SYTL5: variants seen among roughly 807,000 people sequenced by gnomAD.
SYTL5 encodes the protein synaptotagmin-like protein 5.
A neutral mutation model predicts 55.9 loss-of-function variants in SYTL5; 34 were observed. The observed-to-expected ratio is 0.61, with a 90% confidence interval of 0.46 to 0.81. SYTL5 has a LOEUF of 0.81. Ranked by LOEUF, SYTL5 falls within the 30% of genes least tolerant of loss-of-function variation. The probability of loss-of-function intolerance (pLI) is 0.00; values close to 1 mark genes in which losing one functional copy is unlikely to be tolerated. For synonymous variants in SYTL5, 221 were observed against 188.7 expected, an observed-to-expected ratio of 1.17 and a Z score of -1.40; for missense variants, 637 against 546.7, an observed-to-expected ratio of 1.17 and a Z score of -1.65.
chrX:37,951,697 T>C, the SYTL5 span, among the ~76,000 whole-genome samples: 1 of 110,995 alleles, frequency 9.0e-6, no homozygotes, highest in African/African-American at 3.3e-5. Flanking sequence ...GTAGTAAAAA[T>C]TGTAAGGCAG....
the SYTL5 span, among the ~76,000 whole-genome samples, chrX:37,891,736 A>G: frequency 9.0e-6 from 1 of 111,631 alleles, no homozygotes; most frequent in Non-Finnish European, 1.9e-5. Context: ...TTGTGTTTTC[A>G]GGCAAATATC....
At chrX:38,063,533 G>C (rs969792053) in intron 3 of SYTL5, among the ~76,000 whole-genome samples, 7 of 111,551 alleles carry the variant, frequency 6.3e-5, no homozygotes, top group Admixed American at 1.9e-4. Flanking sequence ...TCATTACCCA[G>C]TCTAAGAATT....
chrX:38,013,908 ACTC>A (rs1478883387), intron 1 of SYTL5, among the ~76,000 whole-genome samples: 4 of 107,086 alleles, frequency 3.7e-5, no homozygotes, highest in African/African-American at 1.0e-4. Flanking sequence ...ACCACCACCA[ACTC>A]CTCCTCTCCT....
At chrX:37,934,624 T>G in the SYTL5 span, among the ~76,000 whole-genome samples, 1 of 107,657 alleles carries the variant, frequency 9.3e-6, no homozygotes, top group Non-Finnish European at 1.9e-5. Context: ...GCAGAAATAA[T>G]ATTTCTTTTT....
chrX:37,988,993 A>G, the SYTL5 span, among the ~76,000 whole-genome samples: 2 of 112,008 alleles, frequency 1.8e-5, no homozygotes, highest in Non-Finnish European at 3.8e-5. Context: ...AGCAAAAAGA[A>G]ACCAGAATTC....
At chrX:38,009,200 A>C (rs956246353) in intron 1 of SYTL5, among the ~76,000 whole-genome samples, 9 of 111,704 alleles carry the variant, frequency 8.1e-5, no homozygotes, top group African/African-American at 2.9e-4. Context: ...TTTAGCATTT[A>C]TTTAGCCTAT....
chrX:37,990,535 G>A, the SYTL5 span, among the ~76,000 whole-genome samples: 19 of 112,383 alleles, frequency 1.7e-4, no homozygotes, highest in African/African-American at 6.2e-4. Flanking sequence ...TTCCACTGAA[G>A]CACACATTTA....
chrX:37,932,415 T>C, the SYTL5 span, among the ~76,000 whole-genome samples: 1 of 111,989 alleles, frequency 8.9e-6, no homozygotes, highest in Non-Finnish European at 1.9e-5. Flanking sequence ...AAAAACCCCA[T>C]GATGAGTCAA....
chrX:37,998,123 A>T, the SYTL5 span, among the ~76,000 whole-genome samples: 2 of 112,055 alleles, frequency 1.8e-5, no homozygotes, highest in Non-Finnish European at 3.8e-5. Flanking sequence ...CCTGTGGGAG[A>T]CTAAGCTATT....
chrX:37,890,425 G>C, the SYTL5 span, among the ~76,000 whole-genome samples: 1 of 111,923 alleles, frequency 8.9e-6, no homozygotes, highest in Non-Finnish European at 1.9e-5. Flanking sequence ...AGGTATATAA[G>C]CTCTGAAAAA....
In SYTL5 at chrX:38,125,456, C is replaced by A. The variant is rs762865400; in HGVS notation, c.2000C>A (p.Ala667Asp). Residue 667 changes from alanine to aspartate, a missense_variant, in exon 16 of 17, where the codon GCC (alanine) becomes GAC (aspartate). Coordinates refer to ENST00000297875, the MANE Select transcript of SYTL5 (RefSeq NM_138780.3). ...GAACTTACTATCTGGGACAAGGAGG[C>A]CTTTTCCAGCAACATCTTTCTGGGA... The part of the protein sequence containing the change: ...CLELTIWDKE[A>D]FSSNIFLGGV... The A allele has an allele frequency of 5.0e-6, 6 of 1,211,393 alleles. No individual in the cohort carries two copies. The highest frequency in any genetic ancestry group is 1.8e-5 in the South Asian group (1 of 56,967).
rs55653564 is a variant in SYTL5 at position 38,067,382 on chromosome X, CA to C, written c.330-4651del. ...TCCATCTCACATCCAAAGAACATAT[CA>C]AAAAAAAAAAAAAGATCTAAGGCCT... On this transcript the variant is annotated intron_variant, in intron 3 of 16. Transcript: ENST00000297875. Among the ~76,000 whole-genome samples the C allele has an allele frequency of 5.9e-3, 517 of 88,276 alleles. 1 individual carries two copies. Among genetic ancestry groups the C allele is most frequent in the South Asian group, 0.014 (27 of 1,901 alleles). 76.7% of individuals were successfully genotyped at this position (88,276 alleles called of 115,157 possible).
chrX:37,965,941 G>A, the SYTL5 span, among the ~76,000 whole-genome samples: 1 of 111,868 alleles, frequency 8.9e-6, no homozygotes, highest in African/African-American at 3.2e-5. Flanking sequence ...ATTACCATTT[G>A]CACAGAATAT....
intron 3 of SYTL5, among the ~76,000 whole-genome samples, chrX:38,068,813 C>G (rs1420549601): frequency 9.0e-6 from 1 of 110,818 alleles, no homozygotes; most frequent in African/African-American, 3.3e-5. Flanking sequence ...CTATTGGATA[C>G]TATGTTCAGT....
chrX:37,939,300 C>G, the SYTL5 span, among the ~76,000 whole-genome samples: 1 of 110,976 alleles, frequency 9.0e-6, no homozygotes, highest in Non-Finnish European at 1.9e-5. Context: ...AAAGATAACC[C>G]ATTCCACAAG....
the SYTL5 span, among the ~76,000 whole-genome samples, chrX:37,935,350 G>C: frequency 8.9e-6 from 1 of 112,207 alleles, no homozygotes; most frequent in Non-Finnish European, 1.9e-5. Context: ...AAAAATTAGA[G>C]AGTCTTTCAG....
chrX:37,925,911 G>A, the SYTL5 span, among the ~76,000 whole-genome samples: 4 of 111,562 alleles, frequency 3.6e-5, no homozygotes, highest in Admixed American at 9.5e-5. Flanking sequence ...CAGTTTCATC[G>A]AGTTTTCTGT....
At chrX:38,043,661 G>GTATATATATATATATATATATATA (rs35312093) in intron 2 of SYTL5, among the ~76,000 whole-genome samples, 16 of 50,134 alleles carry the variant, frequency 3.2e-4, no homozygotes, top group South Asian at 1.2e-3. Flanking sequence ...ATGTATGTAT[G>GTATATATATATATATATATATATA]TATATATATA....
the SYTL5 span, among the ~76,000 whole-genome samples, chrX:37,900,930 A>C: frequency 1.8e-5 from 2 of 111,438 alleles, no homozygotes; most frequent in African/African-American, 6.5e-5. Flanking sequence ...CAAAGAAAGT[A>C]ACTTTTCTCT....
Sources: gnomAD v4.1 joint callset for allele counts (sites outside exome capture counted in the v4.1 genomes callset) on GRCh38, gnomAD v4.1.1 for gene constraint, MANE v1.5 for transcripts, NCBI Gene and HGNC (gene_info 2026-07-23, HGNC 2026-07-21) for gene names.